The following TNRC6B variants were observed in gnomAD, a reference collection of about 807,000 sequenced individuals.
TNRC6B encodes trinucleotide repeat-containing gene 6B protein.
TNRC6B carries 52 observed loss-of-function variants against 203.6 expected under a neutral mutation model. That is an observed-to-expected ratio of 0.26 (90% CI 0.20 to 0.32). The LOEUF is 0.32. Among genes scored for constraint, TNRC6B ranks in the 10% least tolerant of loss-of-function variants. The pLI is 1.00. For missense variants in TNRC6B, 1,923 were observed against 2,286.2 expected (o/e 0.84, Z 3.24); for synonymous variants, 838 against 845.7 (o/e 0.99, Z 0.16).
rs1229196655 is a variant in TNRC6B, at chr22:40,266,534, T to A, written c.2304T>A (p.Pro768=). 1 of 1,613,528 alleles carries A rather than the reference T, an allele frequency of 6.2e-7. No homozygotes were observed. The highest frequency in any genetic ancestry group is 1.3e-5 in the African/African-American group (1 of 74,826). The part of the protein sequence containing the change: ...NSNWESSASK[P]VSGWGEGGQN... ...ATTGGGAAAGTTCTGCAAGTAAACC[T>A]GTGTCTGGGTGGGGTGAAGGAGGGC... The change falls in exon 5 of 23, where the codon CCT becomes CCA. Residue 768 remains proline (P), a synonymous_variant. Transcript: ENST00000454349.
At chr22:40,145,089 T>TAAAAAA (rs1401644411) in intron 3 of TNRC6B, among the ~76,000 whole-genome samples, 32 of 118,300 alleles carry the variant, frequency 2.7e-4, no homozygotes, top group African/African-American at 1.1e-3. Context: ...AAAAAAAAAT[T>TAAAAAA]TTTTTAATTA....
At chr22:40,098,092 A>C (rs1346301135) in intron 1 of TNRC6B, among the ~76,000 whole-genome samples, 1 of 151,946 alleles carries the variant, frequency 6.6e-6, no homozygotes, top group African/African-American at 2.4e-5. Flanking sequence ...CCACCCTTAG[A>C]GGGGGAATTG....
Position 40,266,915 on chromosome 22 carries a change from A to C in TNRC6B, c.2685A>C (p.Ala895=). Reference sequence around the variant, plus strand: ...TGGACATTGATGATGGCACTTCAGCATGGGGAGACCCTAACAGTTATAACT... The same window carrying C: ...TGGACATTGATGATGGCACTTCAGCCTGGGGAGACCCTAACAGTTATAACT... ...RKMDIDDGTS[A]WGDPNSYNYK... The change falls in exon 5 of 23, where the codon GCA becomes GCC. Residue 895 remains alanine, a synonymous_variant. Coordinates refer to ENST00000454349, the MANE Select transcript of TNRC6B (RefSeq NM_001162501.2). 1 of 1,614,046 alleles carries C rather than the reference A, an allele frequency of 6.2e-7. No individual in the cohort carries two copies. The highest frequency in any genetic ancestry group is 8.5e-7 in the Non-Finnish European group (1 of 1,179,892).
At chr22:40,251,293 G>C in intron 3 of TNRC6B, 93 bp downstream of exon 3, 1 of 1,006,872 alleles carries the variant, frequency 9.9e-7, no homozygotes, top group Admixed American at 2.7e-5. Context: ...ACTGAAAAGA[G>C]AGTGGGCGTA....
Position 40,261,958 on chromosome 22 carries a change from C to T in TNRC6B, c.242C>T (p.Pro81Leu). The T allele has an allele frequency of 1.2e-6, 2 of 1,612,868 alleles. No homozygotes were observed. The highest frequency in any genetic ancestry group is 1.7e-6 in the Non-Finnish European group (2 of 1,179,214). The stretch of plus-strand genomic sequence containing the variant: ...GTGGCAGTGCCGAACGGACAACCGC[C>T]AAGCGCCGCCCGCTACATGCCTCGG... ...KRVAVPNGQP[P>L]SAARYMPREV... Residue 81 changes from proline to leucine, a missense_variant, in exon 4 of 23, where the codon CCA becomes CTA. Around this residue, in one of 8 missense-constraint regions of TNRC6B, gnomAD observed 111 missense variants for 155.3 expected, o/e 0.71. Coordinates refer to ENST00000454349, the MANE Select transcript of TNRC6B (RefSeq NM_001162501.2).
intron 3 of TNRC6B, among the ~76,000 whole-genome samples, chr22:40,132,491 A>AGGCGAGGGCGAG (rs536451969): frequency 1.1e-5 from 1 of 89,424 alleles, no homozygotes; most frequent in Non-Finnish European, 2.3e-5. Context: ...AATAAAGGCG[A>AGGCGAGGGCGAG]GGCGAGGGCG....
intron 1 of TNRC6B, among the ~76,000 whole-genome samples, chr22:40,214,240 C>T (rs968924382): frequency 1.3e-5 from 2 of 151,880 alleles, no homozygotes; most frequent in African/African-American, 2.4e-5. Flanking sequence ...GCACTCTGGC[C>T]TGGGGACTAG....
intron 6 of TNRC6B, among the ~76,000 whole-genome samples, chr22:40,272,351 T>G (rs1285985784): frequency 1.3e-5 from 2 of 152,180 alleles, no homozygotes; most frequent in African/African-American, 4.8e-5. Context: ...GCCCTGTGCC[T>G]TATGTACTTG....
chr22:40,322,720 C>T, intron 22 of TNRC6B, 134 bp from the exon 23 acceptor site: 2 of 1,075,894 alleles, frequency 1.9e-6, no homozygotes, highest in Non-Finnish European at 1.3e-6. Flanking sequence ...ACTTTGCATT[C>T]TAAAAAGCGT....
intron 9 of TNRC6B, among the ~76,000 whole-genome samples, chr22:40,278,860 T>G (rs1436925453): frequency 6.6e-6 from 1 of 152,112 alleles, no homozygotes; most frequent in African/African-American, 2.4e-5. Context: ...CCCGCCTGAG[T>G]CTCCTGAGTA....
intron 1 of TNRC6B, among the ~76,000 whole-genome samples, chr22:40,181,368 C>T (rs982393922): frequency 6.6e-6 from 1 of 152,142 alleles, no homozygotes; most frequent in Non-Finnish European, 1.5e-5. Flanking sequence ...TGCTCCTCAC[C>T]CTACCCAGCT....
intron 3 of TNRC6B, among the ~76,000 whole-genome samples, chr22:40,152,984 C>A (rs1294591587): frequency 6.6e-6 from 1 of 151,746 alleles, no homozygotes; most frequent in East Asian, 2.0e-4. Flanking sequence ...CATCTGTAGT[C>A]CCAACTACTC....
At chr22:40,133,575 G>A (rs1478810797) in intron 3 of TNRC6B, among the ~76,000 whole-genome samples, 1 of 152,140 alleles carries the variant, frequency 6.6e-6, no homozygotes, top group Non-Finnish European at 1.5e-5. Flanking sequence ...ACTTGAACTG[G>A]GCATTGTAGA....
At chr22:40,238,918 C>T (rs544203332) in intron 1 of TNRC6B, among the ~76,000 whole-genome samples, 1 of 152,316 alleles carries the variant, frequency 6.6e-6, no homozygotes, top group African/African-American at 2.4e-5. Flanking sequence ...AAGTGCCTGG[C>T]TCGGCTGGGC....
intron 4 of TNRC6B, among the ~76,000 whole-genome samples, chr22:40,159,971 C>T (rs1359063360): frequency 2.0e-5 from 3 of 151,882 alleles, no homozygotes; most frequent in African/African-American, 7.3e-5. Flanking sequence ...ACCACCGTAC[C>T]CAGCTAATTA....
At chr22:40,219,246 C>T (rs1407429597) in intron 1 of TNRC6B, among the ~76,000 whole-genome samples, 1 of 152,170 alleles carries the variant, frequency 6.6e-6, no homozygotes, top group African/African-American at 2.4e-5. Flanking sequence ...AGTACATGGG[C>T]AGTAAATACT....
At chr22:40,300,109 T>A (rs1319307687) in intron 12 of TNRC6B, among the ~76,000 whole-genome samples, 1 of 152,252 alleles carries the variant, frequency 6.6e-6, no homozygotes, top group Non-Finnish European at 1.5e-5. Context: ...ATGTAGCATG[T>A]TTTGTTTTAT....
chr22:40,053,168 A>G (rs1018453316), intron 1 of TNRC6B, among the ~76,000 whole-genome samples: 3 of 152,042 alleles, frequency 2.0e-5, no homozygotes, highest in African/African-American at 7.2e-5. Context: ...TTTAAAAAAA[A>G]AAAAAAAAAA....
chr22:40,310,425 T>C (rs2071160189), intron 16 of TNRC6B, among the ~76,000 whole-genome samples: 1 of 152,228 alleles, frequency 6.6e-6, no homozygotes, highest in Non-Finnish European at 1.5e-5. Flanking sequence ...TAAAACCTTC[T>C]TATGTGCTAC....
Sources: allele counts gnomAD v4.1 joint callset (sites outside exome capture counted in the v4.1 genomes callset), GRCh38; gene constraint gnomAD v4.1.1; regional missense constraint gnomAD v4.1.1; transcripts MANE v1.5; gene names NCBI Gene and HGNC (gene_info 2026-07-23, HGNC 2026-07-21).